Variants in GABRG3 observed in about 807,000 individuals in gnomAD.
GABRG3 encodes gamma-aminobutyric acid type A receptor subunit gamma3.
In GABRG3, 25 loss-of-function variants were observed where a neutral mutation model predicts 48.8. That is an observed-to-expected ratio of 0.51 (90% CI 0.37 to 0.72). The LOEUF (loss-of-function observed/expected upper bound fraction) is 0.72, where lower values mean the gene tolerates loss of function less well. Among genes scored for constraint, GABRG3 ranks in the 30% least tolerant of loss-of-function variants. The pLI, the probability that GABRG3 is intolerant of heterozygous loss-of-function variation, is 0.00. For missense variants in GABRG3, 394 were observed against 577.9 expected, an observed-to-expected ratio of 0.68 and a Z score of 3.26; for synonymous variants, 227 against 217.6, an observed-to-expected ratio of 1.04 and a Z score of -0.38.
chr15:27,068,056 A>C (rs1896767282), intron 3 of GABRG3, among the ~76,000 whole-genome samples: 1 of 152,234 alleles, frequency 6.6e-6, no homozygotes, highest in African/African-American at 2.4e-5. Flanking sequence ...ATACCTAAGG[A>C]GGGATCATGG....
At chr15:27,280,774 A>G (rs1200141411) in intron 3 of GABRG3, among the ~76,000 whole-genome samples, 2 of 152,160 alleles carry the variant, frequency 1.3e-5, no homozygotes, top group Non-Finnish European at 2.9e-5. Context: ...TAAATGTTTG[A>G]TGACTGCAAG....
At chr15:27,216,959 G>T (rs1889278863) in intron 3 of GABRG3, among the ~76,000 whole-genome samples, 1 of 132,268 alleles carries the variant, frequency 7.6e-6, no homozygotes. Flanking sequence ...CCCAGAGTGT[G>T]ATATTCCCCT....
intron 3 of GABRG3, among the ~76,000 whole-genome samples, chr15:27,313,256 GTGTGTGTATA>G (rs1222654247): frequency 4.2e-4 from 24 of 57,444 alleles, no homozygotes; most frequent in African/African-American, 1.2e-3. Context: ...GTGTGTGTGT[GTGTGTGTATA>G]TATATATATA....
At chr15:27,362,601 A>C (rs1566806151) in intron 5 of GABRG3, 1 of 152,238 alleles carries the variant, frequency 6.6e-6, no homozygotes, top group Non-Finnish European at 1.5e-5. Context: ...GTTTCAAAAC[A>C]TGAAAAATAT....
intron 5 of GABRG3, among the ~76,000 whole-genome samples, chr15:27,444,856 G>A (rs868097779): frequency 6.6e-6 from 1 of 151,972 alleles, no homozygotes; most frequent in South Asian, 2.1e-4. Context: ...AATCCTATAT[G>A]AATAATATTG....
At chr15:27,289,317 C>G (rs1439936321) in intron 3 of GABRG3, among the ~76,000 whole-genome samples, 1 of 151,834 alleles carries the variant, frequency 6.6e-6, no homozygotes, top group African/African-American at 2.4e-5. Flanking sequence ...TTAAATCTAA[C>G]AAGTCCCTAA....
At chr15:27,151,064 A>C (rs1033913960) in intron 3 of GABRG3, among the ~76,000 whole-genome samples, 1 of 152,210 alleles carries the variant, frequency 6.6e-6, no homozygotes, top group African/African-American at 2.4e-5. Context: ...ATACAGAAGC[A>C]AAAAATAATA....
intron 3 of GABRG3, among the ~76,000 whole-genome samples, chr15:27,282,987 C>T (rs1891488237): frequency 6.6e-6 from 1 of 152,110 alleles, no homozygotes; most frequent in African/African-American, 2.4e-5. Flanking sequence ...TGAGAAAGTC[C>T]TGCTATTCTC....
At position 27,395,609 on chromosome 15, in the gene GABRG3, A is replaced by G. The variant is rs186568062; in HGVS notation, c.574+66721A>G. 4.7e-3 allele frequency among the ~76,000 whole-genome samples: 718 copies of G among 152,328 alleles called. 4 individuals carry two copies. The highest frequency in any genetic ancestry group is 0.017 in the African/African-American group (694 of 41,576). ...TACTAATACGGTCATCTGAATTTCA[A>G]CAAGAGTTCAAGAGAAGAGATAGTC... On this transcript the variant is annotated intron_variant, in intron 5 of 9. Transcript: ENST00000615808.
chr15:27,367,236 C>T (rs139315055), intron 5 of GABRG3, among the ~76,000 whole-genome samples: 58 of 152,328 alleles, frequency 3.8e-4, no homozygotes, highest in African/African-American at 1.3e-3. Flanking sequence ...CTCGTGAGAA[C>T]ACCCAGGACC....
intron 6 of GABRG3, among the ~76,000 whole-genome samples, chr15:27,499,723 AG>A (rs1266544767): frequency 6.6e-6 from 1 of 152,240 alleles, no homozygotes; most frequent in African/African-American, 2.4e-5. Flanking sequence ...ACATTTTAAA[AG>A]CAAAGCTAAC....
chr15:27,405,118 A>G (rs1033850142), intron 5 of GABRG3, among the ~76,000 whole-genome samples: 12 of 152,208 alleles, frequency 7.9e-5, no homozygotes, highest in African/African-American at 2.9e-4. Flanking sequence ...AACATGATGA[A>G]AGGATGCATT....
At chr15:27,341,405 TC>T (rs1894173290) in intron 5 of GABRG3, among the ~76,000 whole-genome samples, 1 of 152,138 alleles carries the variant, frequency 6.6e-6, no homozygotes, top group Non-Finnish European at 1.5e-5. Context: ...ACTTTAAAAA[TC>T]AAACTTGAAC....
At chr15:27,124,961 C>T (rs1257926966) in intron 3 of GABRG3, among the ~76,000 whole-genome samples, 1 of 152,150 alleles carries the variant, frequency 6.6e-6, no homozygotes, top group African/African-American at 2.4e-5. Flanking sequence ...AACCTCAGCG[C>T]ACTCTGGTAC....
intron 5 of GABRG3, among the ~76,000 whole-genome samples, chr15:27,452,512 AAC>A (rs978989412): frequency 2.0e-5 from 3 of 152,204 alleles, no homozygotes; most frequent in African/African-American, 7.2e-5. Context: ...CTATAACAAA[AAC>A]AGTCAATTAA....
At chr15:27,335,344 A>C (rs1595685193) in intron 5 of GABRG3, among the ~76,000 whole-genome samples, 1 of 152,312 alleles carries the variant, frequency 6.6e-6, no homozygotes, top group East Asian at 1.9e-4. Context: ...GCACCACTTT[A>C]CATTTTCACC....
intron 3 of GABRG3, among the ~76,000 whole-genome samples, chr15:27,095,942 A>G (rs1897260231): frequency 6.6e-6 from 1 of 152,090 alleles, no homozygotes; most frequent in Non-Finnish European, 1.5e-5. Context: ...CTGGGCACCC[A>G]CAACAACTCT....
At chr15:27,128,997 G>A (rs1595540434) in intron 3 of GABRG3, among the ~76,000 whole-genome samples, 1 of 152,256 alleles carries the variant, frequency 6.6e-6, no homozygotes, top group African/African-American at 2.4e-5. Context: ...AATAATTTAA[G>A]TCAATATTGG....
At chr15:27,029,068 G>A (rs975866923) in intron 3 of GABRG3, among the ~76,000 whole-genome samples, 1 of 152,200 alleles carries the variant, frequency 6.6e-6, no homozygotes, top group African/African-American at 2.4e-5. Flanking sequence ...AGCTGTGGCA[G>A]GATGTGGAGT....
Sources: gnomAD v4.1 joint callset for allele counts (sites outside exome capture counted in the v4.1 genomes callset) on GRCh38, gnomAD v4.1.1 for gene constraint, MANE v1.5 for transcripts, NCBI Gene and HGNC (gene_info 2026-07-23, HGNC 2026-07-21) for gene names.